The following TMEM196 variants were observed in gnomAD, a reference collection of about 807,000 sequenced individuals.
TMEM196 encodes transmembrane protein 196.
In TMEM196, 17 loss-of-function variants were observed where a neutral mutation model predicts 20.0. The ratio of observed to expected loss-of-function variants is 0.85; its 90% CI spans 0.58 to 1.27. The LOEUF (loss-of-function observed/expected upper bound fraction) is 1.27. Ranked by LOEUF, TMEM196 falls within the 50% of genes most tolerant of loss-of-function variation. TMEM196 has a pLI of 0.00. For synonymous variants in TMEM196, 113 were observed against 88.9 expected (o/e 1.27, Z -1.52); for missense variants, 267 against 223.0 (o/e 1.20, Z -1.26).
chr7:19,753,579 T>A (rs371646203), intron 1 of TMEM196, among the ~76,000 whole-genome samples: 3 of 152,218 alleles, frequency 2.0e-5, no homozygotes, highest in East Asian at 1.9e-4. Flanking sequence ...TTCTGACTCT[T>A]AATTTTAATA....
chr7:19,724,248 A>C (rs1303132315), intron 4 of TMEM196, 32 bp downstream of exon 4: 1 of 1,543,690 alleles, frequency 6.5e-7, no homozygotes, highest in Non-Finnish European at 8.8e-7. Flanking sequence ...CAGCGACATT[A>C]CAACATGGTA....
rs557052959 is a variant in TMEM196 at position 19,755,855 on chromosome 7, C to T, written c.147+16695G>A. Among the ~76,000 whole-genome samples the T allele has an allele frequency of 6.6e-5, 10 of 152,110 alleles. No homozygotes were observed. The South Asian group carries it at 1.9e-3, about 28-fold the overall frequency. Reference sequence around the variant, plus strand: ...ACCAGCCTGGCCCACATGGCAAAACCCTGTCTCCACTAAAAATATAAAAAT... The same window carrying T: ...ACCAGCCTGGCCCACATGGCAAAACTCTGTCTCCACTAAAAATATAAAAAT... On this transcript the variant is annotated intron_variant, in intron 1 of 4. Transcript: ENST00000405844.
Position 19,763,029 on chromosome 7 carries a change from T to G in TMEM196, c.147+9521A>C, listed in dbSNP as rs535928867. ...TGTATATCGATGACAATTACCAACT[T>G]TTTCCTAGGAATTGCTTATCTTTTT... On this transcript the variant is annotated intron_variant, in intron 1 of 4. Coordinates refer to ENST00000405844, the MANE Select transcript of TMEM196 (RefSeq NM_001363562.2). 2.0e-5 allele frequency among the ~76,000 whole-genome samples: 3 copies of G among 152,294 alleles called. No homozygotes were observed. In the South Asian group the frequency reaches 6.2e-4, roughly 32 times the overall value.
intron 1 of TMEM196, among the ~76,000 whole-genome samples, chr7:19,738,684 A>G (rs1784487262): frequency 6.6e-6 from 1 of 152,102 alleles, no homozygotes; most frequent in Non-Finnish European, 1.5e-5. Flanking sequence ...CCAATGACTA[A>G]AGGCTGGAGC....
chr7:19,746,403 A>G (rs1157774348), intron 1 of TMEM196, among the ~76,000 whole-genome samples: 1 of 152,222 alleles, frequency 6.6e-6, no homozygotes, highest in Admixed American at 6.5e-5. Context: ...GTAATTTACC[A>G]CGTGGCTAGA....
intron 1 of TMEM196, among the ~76,000 whole-genome samples, chr7:19,733,377 A>C (rs1784280694): frequency 6.6e-6 from 1 of 152,198 alleles, no homozygotes; most frequent in African/African-American, 2.4e-5. Flanking sequence ...GCTGGTTGAG[A>C]TTCCAAGACA....
intron 1 of TMEM196, among the ~76,000 whole-genome samples, chr7:19,764,385 T>G (rs994632639): frequency 6.6e-6 from 1 of 152,216 alleles, no homozygotes; most frequent in African/African-American, 2.4e-5. Flanking sequence ...GGTACCATCT[T>G]TTTTAGTTGA....
At chr7:19,731,723 A>T (rs1033726960) in intron 1 of TMEM196, among the ~76,000 whole-genome samples, 4 of 152,244 alleles carry the variant, frequency 2.6e-5, no homozygotes, top group African/African-American at 9.6e-5. Context: ...TGGTTAGAAC[A>T]TCTAGGTGGC....
intron 1 of TMEM196, among the ~76,000 whole-genome samples, chr7:19,767,036 T>C (rs1785659940): frequency 6.6e-6 from 1 of 152,136 alleles, no homozygotes. Context: ...TTATTAGTTA[T>C]CTCTTAATGT....
chr7:19,740,358 C>A (rs1156716305), intron 1 of TMEM196, among the ~76,000 whole-genome samples: 1 of 152,072 alleles, frequency 6.6e-6, no homozygotes, highest in Admixed American at 6.6e-5. Flanking sequence ...AAACAAGAAA[C>A]AAATGGCTGT....
intron 2 of TMEM196, 104 bp downstream of exon 2, chr7:19,729,278 A>T (rs924110552): frequency 1.2e-6 from 1 of 834,924 alleles, no homozygotes; most frequent in Non-Finnish European, 1.6e-6. Flanking sequence ...TTTGCCTCAA[A>T]CTAGCAATAT....
At chr7:19,749,123 T>A (rs1369852151) in intron 1 of TMEM196, among the ~76,000 whole-genome samples, 1 of 152,204 alleles carries the variant, frequency 6.6e-6, no homozygotes, top group Non-Finnish European at 1.5e-5. Flanking sequence ...GGATACTAAG[T>A]ATAATATTTC....
At chr7:19,764,378 A>T (rs182500921) in intron 1 of TMEM196, among the ~76,000 whole-genome samples, 2 of 152,324 alleles carry the variant, frequency 1.3e-5, no homozygotes, top group East Asian at 3.9e-4. Context: ...CAAGACTGGT[A>T]CCATCTTTTT....
chr7:19,747,845 A>T (rs1784815937), intron 1 of TMEM196, among the ~76,000 whole-genome samples: 1 of 152,170 alleles, frequency 6.6e-6, no homozygotes, highest in Non-Finnish European at 1.5e-5. Flanking sequence ...ATGCGATGGG[A>T]TAGGATGGAA....
chr7:19,725,862 C>A (rs1480966180), intron 2 of TMEM196, 94 bp from the exon 3 acceptor site: 3 of 1,407,744 alleles, frequency 2.1e-6, no homozygotes, highest in South Asian at 3.1e-5. Context: ...GGATGACTAG[C>A]CTACAATAAA....
At chr7:19,764,994 T>C (rs1043146435) in intron 1 of TMEM196, among the ~76,000 whole-genome samples, 1 of 152,150 alleles carries the variant, frequency 6.6e-6, no homozygotes, top group African/African-American at 2.4e-5. Context: ...GAAACAATAT[T>C]GCTCTGACTT....
chr7:19,751,278 G>A (rs540394141), intron 1 of TMEM196, among the ~76,000 whole-genome samples: 151 of 152,342 alleles, frequency 9.9e-4, no homozygotes, highest in African/African-American at 3.5e-3. Context: ...TGAAGCACTA[G>A]TGGAACCGTA....
chr7:19,741,620 A>G (rs1784583228), intron 1 of TMEM196, among the ~76,000 whole-genome samples: 2 of 152,204 alleles, frequency 1.3e-5, no homozygotes, highest in Non-Finnish European at 2.9e-5. Flanking sequence ...TGTTTCAGAA[A>G]GTTCTTTCTC....
chr7:19,724,422 TATAAA>T lies in TMEM196; in HGVS notation c.460-74_460-70del, dbSNP rs1783919499. On this transcript the variant is annotated intron_variant, in intron 3 of 4. Transcript: ENST00000405844. ...TATACAGAAAACTAAATCAGACTAG[TATAAA>T]ATAAAGCACAAAAGAGCCACTATTC... The T allele has an allele frequency of 1.7e-5, 24 of 1,420,542 alleles. No homozygotes were observed. In the East Asian group the frequency reaches 6.0e-4, roughly 35 times the overall value. 88.0% of individuals were successfully genotyped at this position (1,420,542 alleles called of 1,614,324 possible). A position where few individuals can be genotyped will look rare whatever the true frequency, so the allele number is the denominator to read the frequency against.
Sources: gnomAD v4.1 joint callset for allele counts (sites outside exome capture counted in the v4.1 genomes callset) on GRCh38, gnomAD v4.1.1 for gene constraint, MANE v1.5 for transcripts, NCBI Gene and HGNC (gene_info 2026-07-23, HGNC 2026-07-21) for gene names.